Variants in SPTSSB observed in about 807,000 individuals in gnomAD.
SPTSSB encodes the protein serine palmitoyltransferase small subunit B.
SPTSSB carries 6 observed loss-of-function variants against 7.7 expected under a neutral mutation model. The ratio of observed to expected loss-of-function variants is 0.78; its 90% CI spans 0.43 to 1.54. The LOEUF (loss-of-function observed/expected upper bound fraction) is 1.54, where lower values mean the gene tolerates loss of function less well. Among genes scored for constraint, SPTSSB ranks in the 40% most tolerant of loss-of-function variants. SPTSSB has a pLI of 0.01. For missense variants in SPTSSB, 91 were observed against 93.0 expected, an observed-to-expected ratio of 0.98 and a Z score of 0.09; for synonymous variants, 28 against 29.7, an observed-to-expected ratio of 0.94 and a Z score of 0.19.
At chr3:161,348,468 T>A (rs78491218) in intron 2 of SPTSSB, among the ~76,000 whole-genome samples, 3,515 of 152,262 alleles carry the variant, frequency 0.023, 141 homozygotes, top group African/African-American at 0.079. Context: ...TCCTGAGCCA[T>A]AGAAACTTCA....
chr3:161,366,625 G>C (rs1333578956), intron 1 of SPTSSB, among the ~76,000 whole-genome samples: 1 of 151,828 alleles, frequency 6.6e-6, no homozygotes, highest in Non-Finnish European at 1.5e-5. Context: ...TCTTTTCTCT[G>C]TTTTATGTTT....
At chr3:161,365,688 A>C (rs1018561629) in intron 1 of SPTSSB, among the ~76,000 whole-genome samples, 6 of 152,172 alleles carry the variant, frequency 3.9e-5, no homozygotes, top group African/African-American at 1.4e-4. Flanking sequence ...GGGTCTTTTG[A>C]CTTATTTCTA....
chr3:161,344,996 A>G lies in SPTSSB; in HGVS notation c.*1097T>C, dbSNP rs1481331740. On this transcript the variant is annotated 3_prime_UTR_variant, in exon 3 of 3. Transcript: ENST00000620149. ...GTGCAAATATTGTCCAAACCTATTT[A>G]CATTTTTACCCTCTAGAATTACATA... 1 of 152,638 alleles carries G rather than the reference A, an allele frequency of 6.6e-6. No individual in the cohort carries two copies. The highest frequency in any genetic ancestry group is 1.5e-5 in the Non-Finnish European group (1 of 68,032). 9.5% of individuals were successfully genotyped at this position (152,638 alleles called of 1,614,324 possible).
intron 2 of SPTSSB, among the ~76,000 whole-genome samples, chr3:161,349,761 A>AATACC (rs1576894720): frequency 6.6e-6 from 1 of 152,260 alleles, no homozygotes; most frequent in East Asian, 1.9e-4. Flanking sequence ...AGACAGTGAT[A>AATACC]ATACCGGCTG....
chr3:161,347,732 G>A (rs1437543945), intron 2 of SPTSSB, among the ~76,000 whole-genome samples: 1 of 152,026 alleles, frequency 6.6e-6, no homozygotes, highest in Non-Finnish European at 1.5e-5. Flanking sequence ...AATTAGCTGG[G>A]CATGGTGGTG....
intron 2 of SPTSSB, among the ~76,000 whole-genome samples, chr3:161,349,924 G>A (rs971482026): frequency 6.6e-6 from 1 of 152,182 alleles, no homozygotes; most frequent in Non-Finnish European, 1.5e-5. Context: ...CGGTGGAGAA[G>A]GAGATGAAGT....
At chr3:161,354,600 C>T (rs1261323579) in intron 2 of SPTSSB, among the ~76,000 whole-genome samples, 1 of 152,242 alleles carries the variant, frequency 6.6e-6, no homozygotes, top group Non-Finnish European at 1.5e-5. Context: ...TCCACCTTGA[C>T]CTCCCATAGT....
intron 2 of SPTSSB, among the ~76,000 whole-genome samples, chr3:161,358,703 C>T (rs1714888269): frequency 6.6e-6 from 1 of 152,104 alleles, no homozygotes; most frequent in African/African-American, 2.4e-5. Context: ...GGTTATTTTT[C>T]AGAATGTTTA....
At chr3:161,368,700 A>C (rs1030284787) in intron 1 of SPTSSB, among the ~76,000 whole-genome samples, 6 of 152,156 alleles carry the variant, frequency 3.9e-5, no homozygotes, top group Non-Finnish European at 7.3e-5. Flanking sequence ...TGCTGGGATT[A>C]CAGGCGTGAG....
intron 1 of SPTSSB, among the ~76,000 whole-genome samples, chr3:161,365,312 A>G (rs147946253): frequency 6.6e-6 from 1 of 152,384 alleles, no homozygotes; most frequent in East Asian, 1.9e-4. Flanking sequence ...AATAAGATAG[A>G]CATGGTCACT....
chr3:161,351,609 G>A (rs1161433125), intron 2 of SPTSSB, among the ~76,000 whole-genome samples: 1 of 146,902 alleles, frequency 6.8e-6, no homozygotes, highest in Non-Finnish European at 1.5e-5. Context: ...GAGAGAGAGA[G>A]AGAAAGAGAG....
At position 161,345,493 on chromosome 3, in the gene SPTSSB, T is replaced by G. The variant is rs901135728; in HGVS notation, c.*600A>C. 3.9e-5 allele frequency: 6 copies of G among 152,628 alleles called. No homozygotes were observed. The highest frequency in any genetic ancestry group is 1.4e-4 in the African/African-American group (6 of 41,458). 9.5% of individuals were successfully genotyped at this position (152,628 alleles called of 1,614,324 possible). Reference sequence around the variant, plus strand: ...ATTTTAAACGGTTATAAAGCCAGACTTTAAGAAGCATTTAAAACAATTCAT... The same window carrying G: ...ATTTTAAACGGTTATAAAGCCAGACGTTAAGAAGCATTTAAAACAATTCAT... On this transcript the variant is annotated 3_prime_UTR_variant, in exon 3 of 3. Transcript: ENST00000620149.
intron 2 of SPTSSB, among the ~76,000 whole-genome samples, chr3:161,347,161 C>G (rs1397859085): frequency 6.6e-6 from 1 of 152,126 alleles, no homozygotes; most frequent in Non-Finnish European, 1.5e-5. Flanking sequence ...TACTGAGAAC[C>G]TGTTTAAAAT....
At position 161,346,959 on chromosome 3, in the gene SPTSSB, A is replaced by G. The variant is rs149251023; in HGVS notation, c.-32-604T>C. ...GCCAGAAGCTGTAGGGCCTAGTTGG[A>G]TAAGTTAACTGTTTTATCTTCAACC... On this transcript the variant is annotated intron_variant, in intron 2 of 2. Coordinates refer to ENST00000620149, the MANE Select transcript of SPTSSB (RefSeq NM_001040100.2). Among the ~76,000 whole-genome samples the G allele has an allele frequency of 3.8e-3, 586 of 152,276 alleles. 4 individuals are homozygous for G. The highest frequency in any genetic ancestry group is 0.013 in the African/African-American group (521 of 41,554).
At chr3:161,363,242 T>C (rs1180605021) in intron 1 of SPTSSB, among the ~76,000 whole-genome samples, 10 of 151,670 alleles carry the variant, frequency 6.6e-5, no homozygotes, top group Non-Finnish European at 1.2e-4. Context: ...GGTTCTATGT[T>C]ATGTGACAAA....
intron 2 of SPTSSB, among the ~76,000 whole-genome samples, chr3:161,347,447 A>C (rs1714302069): frequency 1.3e-5 from 2 of 151,816 alleles, no homozygotes; most frequent in Admixed American, 6.6e-5. Flanking sequence ...TTTTTAGTAG[A>C]GATGGGGTTT....
intron 1 of SPTSSB, among the ~76,000 whole-genome samples, chr3:161,366,142 CTG>C (rs1156250061): frequency 1.3e-5 from 2 of 152,194 alleles, no homozygotes; most frequent in Non-Finnish European, 2.9e-5. Flanking sequence ...CTCTGGAAGA[CTG>C]TAAGAATCCA....
chr3:161,353,511 T>C (rs1222952160), intron 2 of SPTSSB, among the ~76,000 whole-genome samples: 7 of 152,160 alleles, frequency 4.6e-5, no homozygotes, highest in Admixed American at 3.9e-4. Context: ...TGTAAACAAA[T>C]GGCGAAATAT....
chr3:161,369,306 C>CTA, intron 1 of SPTSSB, among the ~76,000 whole-genome samples: 1 of 56,450 alleles, frequency 1.8e-5, no homozygotes, highest in East Asian at 1.0e-3. Context: ...TTCTTTCTTT[C>CTA]TTTCTTTCTC....
Sources: allele counts gnomAD v4.1 joint callset (sites outside exome capture counted in the v4.1 genomes callset), GRCh38; gene constraint gnomAD v4.1.1; transcripts MANE v1.5; gene names NCBI Gene and HGNC (gene_info 2026-07-23, HGNC 2026-07-21).